The following CYRIB variants were observed in gnomAD, a reference collection of about 807,000 sequenced individuals.
The protein encoded by CYRIB is CYFIP-related Rac1 interactor B.
CYRIB carries 8 observed loss-of-function variants against 44.2 expected under a neutral mutation model. The ratio of observed to expected loss-of-function variants is 0.18; its 90% CI spans 0.11 to 0.33. The LOEUF is 0.33. Ranked by LOEUF, CYRIB falls within the 10% of genes least tolerant of loss-of-function variation. The pLI is 1.00. For missense variants in CYRIB, 185 were observed against 382.8 expected (o/e 0.48, Z 4.31); for synonymous variants, 131 against 127.2 (o/e 1.03, Z -0.20).
At chr8:129,980,768 G>T (rs988794531) in intron 1 of CYRIB, among the ~76,000 whole-genome samples, 8 of 152,092 alleles carry the variant, frequency 5.3e-5, no homozygotes, top group Non-Finnish European at 1.0e-4. Context: ...AATCGGTTGA[G>T]CTCAGGAGGT....
At chr8:129,930,380 T>TATATATATATATATATATATA (rs1391611901) in intron 1 of CYRIB, among the ~76,000 whole-genome samples, 7 of 124,792 alleles carry the variant, frequency 5.6e-5, no homozygotes, top group Non-Finnish European at 1.0e-4. Flanking sequence ...TATATATATA[T>TATATATATATATATATATATA]TTTAATTATT....
At chr8:129,960,822 G>A (rs1034877681) in intron 2 of CYRIB, among the ~76,000 whole-genome samples, 10 of 149,680 alleles carry the variant, frequency 6.7e-5, no homozygotes, top group South Asian at 2.1e-4. Flanking sequence ...ATGGTGGCAC[G>A]CACCTGTAAC....
intron 1 of CYRIB, among the ~76,000 whole-genome samples, chr8:129,979,287 T>C (rs1352199287): frequency 6.6e-6 from 1 of 152,142 alleles, no homozygotes; most frequent in Non-Finnish European, 1.5e-5. Flanking sequence ...TTGGGGTGCC[T>C]TGGAAATAAC....
rs557037478 is a variant in CYRIB at position 129,848,717 on chromosome 8, T to C, written c.840+526A>G. Reference sequence around the variant, plus strand: ...CAACGTAGCTGTGACTACCGATGTGTGCCACCACACCTGGCTAATTTTTTT... The same window carrying C: ...CAACGTAGCTGTGACTACCGATGTGCGCCACCACACCTGGCTAATTTTTTT... On this transcript the variant is annotated intron_variant, in intron 10 of 11. Coordinates refer to ENST00000519824, the Ensembl canonical transcript of CYRIB. 2.0e-5 allele frequency among the ~76,000 whole-genome samples: 3 copies of C among 151,348 alleles called. No homozygotes were observed. In the East Asian group the frequency reaches 5.8e-4, roughly 29 times the overall value.
At chr8:129,879,176 C>A (rs920794261) in intron 3 of CYRIB, among the ~76,000 whole-genome samples, 5 of 152,084 alleles carry the variant, frequency 3.3e-5, no homozygotes, top group African/African-American at 1.2e-4. Context: ...GATATGAAAT[C>A]TCTTATAAAA....
chr8:129,935,538 C>T (rs971848493), intron 1 of CYRIB, among the ~76,000 whole-genome samples: 7 of 152,164 alleles, frequency 4.6e-5, no homozygotes, highest in Non-Finnish European at 7.4e-5. Flanking sequence ...GGGAGTAATG[C>T]CGCTCACCTC....
At chr8:129,914,734 A>C (rs566122614) in intron 1 of CYRIB, among the ~76,000 whole-genome samples, 10 of 152,188 alleles carry the variant, frequency 6.6e-5, no homozygotes, top group Non-Finnish European at 1.0e-4. Context: ...GTTTTGACGA[A>C]AATTTCTAAA....
At chr8:129,944,361 G>T (rs141110429), upstream of CYRIB, among the ~76,000 whole-genome samples, 1 of 152,336 alleles carries the variant, frequency 6.6e-6, no homozygotes, top group African/African-American at 2.4e-5. Context: ...GGGGGAAGAG[G>T]AGACTGGGGT....
chr8:130,014,120 C>G (rs2097288713), intron 1 of CYRIB, among the ~76,000 whole-genome samples: 1 of 152,162 alleles, frequency 6.6e-6, no homozygotes, highest in Non-Finnish European at 1.5e-5. Context: ...ACAGGTAACC[C>G]TGGCCACTCC....
intron 4 of CYRIB, 62 bp from the exon 7 acceptor site, chr8:129,862,396 T>A: frequency 7.8e-7 from 1 of 1,284,584 alleles, no homozygotes; most frequent in Non-Finnish European, 1.1e-6. Flanking sequence ...CATTTTTACA[T>A]TAAAATGTAG....
intron 1 of CYRIB, among the ~76,000 whole-genome samples, chr8:130,000,306 T>G (rs2096880466): frequency 6.6e-6 from 1 of 152,186 alleles, no homozygotes; most frequent in Non-Finnish European, 1.5e-5. Flanking sequence ...TTTGAGATGC[T>G]AAGACATGTC....
At chr8:129,845,910 A>G (rs423915) in intron 11 of CYRIB, among the ~76,000 whole-genome samples, 86,308 of 152,036 alleles carry the variant, frequency 0.57, 25,115 homozygotes, top group African/African-American at 0.7. Flanking sequence ...CTGGGAGGCC[A>G]AGGTGGGTGG....
chr8:129,973,486 G>A (rs942029468), intron 1 of CYRIB, among the ~76,000 whole-genome samples: 2 of 152,208 alleles, frequency 1.3e-5, no homozygotes, highest in African/African-American at 4.8e-5. Context: ...CCTCAAGGCA[G>A]ATTCTATCAT....
intron 2 of CYRIB, among the ~76,000 whole-genome samples, chr8:129,963,031 T>C (rs748202904): frequency 6.6e-6 from 1 of 152,156 alleles, no homozygotes; most frequent in Non-Finnish European, 1.5e-5. Context: ...GGGCTGTGCA[T>C]GTTACCCAGA....
intron 4 of CYRIB, among the ~76,000 whole-genome samples, chr8:129,867,729 CATA>C (rs1202356337): frequency 6.6e-6 from 1 of 152,168 alleles, no homozygotes; most frequent in Non-Finnish European, 1.5e-5. Flanking sequence ...ATTTTATCTT[CATA>C]ATAACGCTGT....
chr8:129,842,598 T>C (rs761369952), intron 11 of CYRIB, among the ~76,000 whole-genome samples: 2 of 152,176 alleles, frequency 1.3e-5, no homozygotes, highest in Non-Finnish European at 2.9e-5. Flanking sequence ...TTTTAACCTT[T>C]TGGATGACTG....
intron 2 of CYRIB, among the ~76,000 whole-genome samples, chr8:129,957,628 C>G (rs990935577): frequency 2.6e-5 from 4 of 151,948 alleles, no homozygotes; most frequent in Admixed American, 6.6e-5. Flanking sequence ...GTCAGGTGTT[C>G]CAGACCAGCC....
At chr8:129,918,044 G>A (rs1589708252) in intron 1 of CYRIB, among the ~76,000 whole-genome samples, 1 of 151,968 alleles carries the variant, frequency 6.6e-6, no homozygotes, top group African/African-American at 2.4e-5. Flanking sequence ...ACGTGTTTAC[G>A]AGTGACCACT....
intron 2 of CYRIB, among the ~76,000 whole-genome samples, chr8:129,893,670 C>T (rs1386794701): frequency 1.3e-5 from 2 of 152,166 alleles, no homozygotes; most frequent in African/African-American, 4.8e-5. Flanking sequence ...TTCCTCCCCT[C>T]CTCTCTCACT....
Sources: allele counts gnomAD v4.1 joint callset (sites outside exome capture counted in the v4.1 genomes callset), GRCh38; gene constraint gnomAD v4.1.1; transcripts MANE v1.5; gene names NCBI Gene and HGNC (gene_info 2026-07-23, HGNC 2026-07-21).